EPB41L4A: variants seen among roughly 807,000 people sequenced by gnomAD.
The protein encoded by EPB41L4A is band 4.1-like protein 4A.
A neutral mutation model predicts 108.6 loss-of-function variants in EPB41L4A; 100 were observed. The observed-to-expected ratio is 0.92, with a 90% CI of 0.78 to 1.09. The LOEUF (loss-of-function observed/expected upper bound fraction) is 1.09, where lower values mean the gene tolerates loss of function less well. Among genes scored for constraint, EPB41L4A ranks in the 50% least tolerant of loss-of-function variants. The pLI, the probability that EPB41L4A is intolerant of heterozygous loss-of-function variation, is 0.00. For missense variants in EPB41L4A, 1,030 were observed against 842.7 expected (o/e 1.22, Z -2.75); for synonymous variants, 319 against 289.0 (o/e 1.10, Z -1.05).
intron 2 of EPB41L4A, among the ~76,000 whole-genome samples, chr5:112,299,708 C>T (rs1255315844): frequency 6.6e-6 from 1 of 152,174 alleles, no homozygotes; most frequent in Non-Finnish European, 1.5e-5. Flanking sequence ...TCCATTGTTT[C>T]TTTGCTGACT....
At chr5:112,369,054 T>C (rs955793971) in intron 1 of EPB41L4A, among the ~76,000 whole-genome samples, 15 of 152,182 alleles carry the variant, frequency 9.9e-5, no homozygotes, top group African/African-American at 3.6e-4. Context: ...GCTATAGATA[T>C]TATATTTAGA....
At chr5:112,414,886 C>T (rs1762619029) in intron 1 of EPB41L4A, among the ~76,000 whole-genome samples, 1 of 152,098 alleles carries the variant, frequency 6.6e-6, no homozygotes. Flanking sequence ...CACTTTCTAG[C>T]CCAGTCACAT....
At chr5:112,281,368 G>A (rs1752951974) in intron 2 of EPB41L4A, among the ~76,000 whole-genome samples, 1 of 152,232 alleles carries the variant, frequency 6.6e-6, no homozygotes, top group African/African-American at 2.4e-5. Flanking sequence ...AAGAGATGAG[G>A]TAAGCCTCTA....
At chr5:112,377,724 T>C (rs115905642) in intron 1 of EPB41L4A, among the ~76,000 whole-genome samples, 1,716 of 152,278 alleles carry the variant, frequency 0.011, 30 homozygotes, top group African/African-American at 0.038. Flanking sequence ...GCTACTCTCT[T>C]TGTTCTCTTG....
intron 1 of EPB41L4A, among the ~76,000 whole-genome samples, chr5:112,414,159 T>C (rs548954488): frequency 7.9e-4 from 120 of 152,338 alleles, no homozygotes; most frequent in African/African-American, 2.9e-3. Context: ...AGGTATTGTT[T>C]TGTGTATAAA....
chr5:112,252,147 T>C (rs1396081174), intron 9 of EPB41L4A, among the ~76,000 whole-genome samples: 2 of 152,198 alleles, frequency 1.3e-5, no homozygotes, highest in Non-Finnish European at 2.9e-5. Flanking sequence ...CCTGTGGCTA[T>C]GGACAGAACT....
chr5:112,384,780 A>C (rs999308032), intron 1 of EPB41L4A, among the ~76,000 whole-genome samples: 1 of 146,758 alleles, frequency 6.8e-6, no homozygotes, highest in African/African-American at 2.8e-5. Context: ...GGAAGGAAGG[A>C]AGGAGAAGAA....
chr5:112,286,054 T>G (rs1306760640), intron 2 of EPB41L4A, among the ~76,000 whole-genome samples: 1 of 152,036 alleles, frequency 6.6e-6, no homozygotes, highest in East Asian at 1.9e-4. Context: ...ATTTCAAGAT[T>G]CTTACTCTCA....
chr5:112,371,477 T>C (rs1256364086), intron 1 of EPB41L4A, among the ~76,000 whole-genome samples: 3 of 152,132 alleles, frequency 2.0e-5, no homozygotes, highest in Non-Finnish European at 2.9e-5. Context: ...TTGGCCCCAC[T>C]TCCCTCCGTT....
At chr5:112,410,986 A>AG (rs1762376632) in intron 1 of EPB41L4A, among the ~76,000 whole-genome samples, 1 of 152,170 alleles carries the variant, frequency 6.6e-6, no homozygotes, top group South Asian at 2.1e-4. Flanking sequence ...ACCCGCCCTG[A>AG]ACCTCCTTTC....
chr5:112,243,273 G>GTA (rs1749939030), intron 9 of EPB41L4A, among the ~76,000 whole-genome samples: 2 of 112,596 alleles, frequency 1.8e-5, no homozygotes, highest in Admixed American at 9.0e-5. Flanking sequence ...ATATATGTGT[G>GTA]TGTATATATA....
At chr5:112,345,195 A>G (rs915394719) in intron 1 of EPB41L4A, among the ~76,000 whole-genome samples, 1 of 152,202 alleles carries the variant, frequency 6.6e-6, no homozygotes, top group Non-Finnish European at 1.5e-5. Context: ...CCAAGCATAG[A>G]TTCTCGAATT....
chr5:112,357,571 A>T (rs1224080417), intron 1 of EPB41L4A, among the ~76,000 whole-genome samples: 2 of 152,230 alleles, frequency 1.3e-5, no homozygotes, highest in Non-Finnish European at 2.9e-5. Flanking sequence ...TCTGGTACCA[A>T]GCAAAAGTGG....
At chr5:112,334,775 G>A (rs547594909) in intron 1 of EPB41L4A, among the ~76,000 whole-genome samples, 1 of 152,248 alleles carries the variant, frequency 6.6e-6, no homozygotes, top group African/African-American at 2.4e-5. Context: ...AGGACCTCCT[G>A]AGGCTGTGTC....
intron 1 of EPB41L4A, among the ~76,000 whole-genome samples, chr5:112,313,596 A>G (rs944117169): frequency 1.3e-5 from 2 of 152,180 alleles, no homozygotes; most frequent in African/African-American, 4.8e-5. Flanking sequence ...ATCTCAAAAA[A>G]CAAAAAAATC....
intron 1 of EPB41L4A, among the ~76,000 whole-genome samples, chr5:112,337,716 G>A (rs752745275): frequency 2.6e-5 from 4 of 152,008 alleles, no homozygotes; most frequent in East Asian, 1.9e-4. Flanking sequence ...AAGTGATAAG[G>A]GCATCTAAAC....
exon 14 of EPB41L4A, chr5:112,143,173 C>A (rs78455089): frequency 0.11 from 16,129 of 152,200 alleles, 979 homozygotes; most frequent in South Asian, 0.14. Context: ...TGGTCCAGAC[C>A]ACAGTTACCC....
At chr5:112,381,835 G>A (rs1016732076) in intron 1 of EPB41L4A, among the ~76,000 whole-genome samples, 1 of 152,214 alleles carries the variant, frequency 6.6e-6, no homozygotes. Flanking sequence ...ATGTGAAAAT[G>A]ACAGTATGTC....
intron 1 of EPB41L4A, among the ~76,000 whole-genome samples, chr5:112,351,865 T>C (rs1005811501): frequency 6.6e-6 from 1 of 152,228 alleles, no homozygotes; most frequent in Non-Finnish European, 1.5e-5. Flanking sequence ...ATAAATGTGA[T>C]ACGTTCCATC....
Sources: gnomAD v4.1 joint callset for allele counts (sites outside exome capture counted in the v4.1 genomes callset) on GRCh38, gnomAD v4.1.1 for gene constraint, MANE v1.5 for transcripts, NCBI Gene and HGNC (gene_info 2026-07-23, HGNC 2026-07-21) for gene names.